NME9: variants seen among roughly 807,000 people sequenced by gnomAD.
NME9 encodes the protein thioredoxin domain-containing protein 6.
In NME9, 48 loss-of-function variants were observed where a neutral mutation model predicts 44.4. The observed-to-expected ratio is 1.08, with a 90% confidence interval of 0.86 to 1.37. The LOEUF (loss-of-function observed/expected upper bound fraction) is 1.37. NME9 is among the 40% of genes most tolerant of loss of function. NME9 has a pLI of 0.00. For synonymous variants in NME9, 139 were observed against 147.1 expected (o/e 0.94, Z 0.40); for missense variants, 325 against 405.2 (o/e 0.80, Z 1.70).
chr3:138,263,702 A>T (rs371229200), intron 8 of NME9: 1 of 1,530,312 alleles, frequency 6.5e-7, no homozygotes, highest in Non-Finnish European at 9.1e-7. Context: ...TGTCACCTTC[A>T]TGTTGTTATT....
intron 8 of NME9, among the ~76,000 whole-genome samples, chr3:138,276,661 T>A (rs774908367): frequency 6.1e-4 from 93 of 152,188 alleles, no homozygotes; most frequent in Non-Finnish European, 2.4e-4. Context: ...TATTAAACAG[T>A]ACCATTTGCA....
At chr3:138,311,901 G>A (rs568536843) in intron 6 of NME9, among the ~76,000 whole-genome samples, 12 of 152,050 alleles carry the variant, frequency 7.9e-5, no homozygotes, top group South Asian at 2.1e-4. Context: ...ACTGATAAAC[G>A]AAATCAGTGA....
intron 8 of NME9, among the ~76,000 whole-genome samples, chr3:138,290,245 A>G (rs1179255786): frequency 6.6e-6 from 1 of 152,206 alleles, no homozygotes; most frequent in Non-Finnish European, 1.5e-5. Flanking sequence ...TCAGTGGCAG[A>G]GGGCCTTGTA....
intron 10 of NME9, chr3:138,303,209 C>T: frequency 3.9e-6 from 1 of 256,814 alleles, no homozygotes; most frequent in Non-Finnish European, 7.6e-6. Context: ...GAAATTTTCC[C>T]AATGGTTTCC....
At chr3:138,304,255 A>G (rs889482704) in intron 9 of NME9, among the ~76,000 whole-genome samples, 1 of 152,190 alleles carries the variant, frequency 6.6e-6, no homozygotes, top group Non-Finnish European at 1.5e-5. Flanking sequence ...CTGGTCCCCT[A>G]CACCTACAAA....
At chr3:138,288,906 G>A (rs1267582838) in intron 8 of NME9, 1 of 619,174 alleles carries the variant, frequency 1.6e-6, no homozygotes, top group South Asian at 2.0e-5. Flanking sequence ...CAAAGTGCTG[G>A]GATTACAGGC....
intron 9 of NME9, among the ~76,000 whole-genome samples, chr3:138,304,315 C>T (rs1043206832): frequency 4.6e-5 from 7 of 152,218 alleles, no homozygotes; most frequent in African/African-American, 1.7e-4. Context: ...GTTGTCTGGG[C>T]CTGTCAGCTT....
intron 2 of NME9, 61 bp from the exon 3 acceptor site, chr3:138,319,642 A>G: frequency 1.2e-6 from 1 of 839,000 alleles, no homozygotes; most frequent in Non-Finnish European, 2.1e-6. Context: ...CACCATGCAT[A>G]ATTTATACCT....
chr3:138,276,916 A>G (rs1275077293), intron 8 of NME9, among the ~76,000 whole-genome samples: 1 of 152,258 alleles, frequency 6.6e-6, no homozygotes, highest in East Asian at 1.9e-4. Flanking sequence ...CTTTACATAT[A>G]GATTTTAAAA....
At chr3:138,283,246 T>G (rs562665657) in intron 8 of NME9, among the ~76,000 whole-genome samples, 1 of 152,340 alleles carries the variant, frequency 6.6e-6, no homozygotes, top group African/African-American at 2.4e-5. Flanking sequence ...ATTTTGGGGC[T>G]TGGGCCACTG....
chr3:138,263,593 C>T, intron 8 of NME9: 1 of 722,108 alleles, frequency 1.4e-6, no homozygotes, highest in Non-Finnish European at 2.4e-6. Context: ...TGCCCGCCCC[C>T]AGCGCAAGAT....
intron 8 of NME9, chr3:138,295,975 T>C: frequency 6.8e-7 from 1 of 1,473,656 alleles, no homozygotes; most frequent in Admixed American, 1.9e-5. Context: ...ATTCCTTCTA[T>C]TTGCACAAGT....
chr3:138,280,873 C>G (rs2049836270), intron 8 of NME9, among the ~76,000 whole-genome samples: 1 of 152,178 alleles, frequency 6.6e-6, no homozygotes, highest in Admixed American at 6.5e-5. Flanking sequence ...AGGGATCCAC[C>G]TGCCTCGGCC....
At chr3:138,292,856 T>C (rs866413372) in intron 8 of NME9, among the ~76,000 whole-genome samples, 1 of 151,876 alleles carries the variant, frequency 6.6e-6, no homozygotes, top group African/African-American at 2.4e-5. Flanking sequence ...ATTTAGGCAG[T>C]GATGAGAAAG....
At chr3:138,299,428 CAAAA>C (rs1351862472), downstream of NME9, among the ~76,000 whole-genome samples, 2 of 152,106 alleles carry the variant, frequency 1.3e-5, no homozygotes, top group Non-Finnish European at 2.9e-5. Context: ...ATCTTAAAGC[CAAAA>C]ACAGCACCCA....
At chr3:138,268,462 T>A (rs1349197786) in intron 8 of NME9, among the ~76,000 whole-genome samples, 1 of 152,194 alleles carries the variant, frequency 6.6e-6, no homozygotes, top group Non-Finnish European at 1.5e-5. Flanking sequence ...CATCCTTAAC[T>A]GCTCTTATAT....
chr3:138,306,307 A>C lies in NME9; in HGVS notation c.543+91T>G, dbSNP rs976165050. 6.0e-6 allele frequency: 6 copies of C among 1,006,636 alleles called. No homozygotes were observed. In the African/African-American group the frequency reaches 9.5e-5, roughly 16 times the overall value. The allele number at this position is 1,006,636 out of a possible 1,614,324, so 62.4% of individuals were successfully genotyped here. ...AACCCCTTAGAATTCATCTTTCTGCACTAAGATATCACTGCCCAGTGCCCC... is the reference window on the plus strand; with the variant it reads ...AACCCCTTAGAATTCATCTTTCTGCCCTAAGATATCACTGCCCAGTGCCCC... On this transcript the variant is annotated intron_variant, in intron 7 of 10. Transcript: ENST00000333911.
downstream of NME9, chr3:138,298,320 T>C (rs2051663111): frequency 6.6e-6 from 1 of 152,252 alleles, no homozygotes; most frequent in South Asian, 2.1e-4. Flanking sequence ...GTTCTTCTGG[T>C]AGTGTTTGGA....
intron 8 of NME9, among the ~76,000 whole-genome samples, chr3:138,281,949 T>C (rs150923713): frequency 3.2e-4 from 48 of 152,330 alleles, no homozygotes; most frequent in African/African-American, 1.1e-3. Context: ...TACTTCCTCT[T>C]AAGCTGCTCT....
Sources: gnomAD v4.1 joint callset for allele counts (sites outside exome capture counted in the v4.1 genomes callset) on GRCh38, gnomAD v4.1.1 for gene constraint, MANE v1.5 for transcripts, NCBI Gene and HGNC (gene_info 2026-07-23, HGNC 2026-07-21) for gene names.